Variants in GLRA1 observed in about 807,000 individuals in gnomAD.
The protein encoded by GLRA1 is glycine receptor alpha 1, also known as glycine receptor subunit alpha-1.
GLRA1 carries 37 observed loss-of-function variants against 48.3 expected under a neutral mutation model. That is an observed-to-expected ratio of 0.77 (90% CI 0.59 to 1.01). The LOEUF (loss-of-function observed/expected upper bound fraction) is 1.01. GLRA1 is among the 50% of genes least tolerant of loss of function. The pLI is 0.00. For missense variants in GLRA1, 427 were observed against 571.0 expected (o/e 0.75, Z 2.57); for synonymous variants, 196 against 210.7 (o/e 0.93, Z 0.60).
At chr5:151,883,038 T>C (rs897506602) in intron 3 of GLRA1, among the ~76,000 whole-genome samples, 2 of 152,202 alleles carry the variant, frequency 1.3e-5, no homozygotes, top group African/African-American at 4.8e-5. Flanking sequence ...AGATATATTA[T>C]GAGATATATA....
At position 151,856,317 on chromosome 5, in the gene GLRA1, G is replaced by C. The variant is rs1753041280; in HGVS notation, c.543C>G (p.Ile181Met). Residue 181 changes from isoleucine to methionine, a missense_variant, in exon 5 of 9, where the codon ATC becomes ATG. Physicochemically the swap from Ile to Met is conservative, Grantham distance 10. Coordinates refer to ENST00000274576, the MANE Select transcript of GLRA1 (RefSeq NM_000171.4). ...GACACTCACAGCTTTCCAGTTGCAT[G>C]ATACATGTCTGGACATCCATGGGGA... ...KNFPMDVQTC[I>M]MQLESFGYTM... is the part of the protein sequence containing the mutation. 1 of 1,610,440 alleles carries C rather than the reference G, an allele frequency of 6.2e-7. No homozygotes were observed.
intron 7 of GLRA1, chr5:151,850,459 GGGA>G: frequency 9.3e-7 from 1 of 1,079,030 alleles, no homozygotes; most frequent in East Asian, 2.4e-5. Context: ...AAGGCCATGT[GGGA>G]GGAGAATGGT....
chr5:151,829,487 A>G (rs547040878), intron 7 of GLRA1, among the ~76,000 whole-genome samples: 1 of 152,354 alleles, frequency 6.6e-6, no homozygotes, highest in South Asian at 2.1e-4. Flanking sequence ...TGTCAGTGCC[A>G]ACTTTTCAGA....
At chr5:151,884,444 A>G (rs1361871724) in intron 3 of GLRA1, among the ~76,000 whole-genome samples, 2 of 151,938 alleles carry the variant, frequency 1.3e-5, no homozygotes, top group Non-Finnish European at 2.9e-5. Context: ...AAAACAAAAC[A>G]AAACAAAAAA....
intron 3 of GLRA1, among the ~76,000 whole-genome samples, chr5:151,869,105 A>AT (rs112857798): frequency 2.0e-3 from 295 of 145,648 alleles, no homozygotes; most frequent in Middle Eastern, 3.6e-3. Context: ...CATTTGCTAA[A>AT]TTTTTTTTTT....
At position 151,872,987 on chromosome 5, in the gene GLRA1, T is replaced by C. The variant is rs1452427677; in HGVS notation, c.253-12979A>G. 1.0e-4 allele frequency among the ~76,000 whole-genome samples: 15 copies of C among 149,780 alleles called. 3 individuals are homozygous for C. The highest frequency in any genetic ancestry group is 3.8e-4 in the African/African-American group (15 of 39,136). ...TAGTATGGTGTCCACTAAATTTTAT[T>C]ACCTCAGGATAGGACAAAGGGAATT... On this transcript the variant is annotated intron_variant, in intron 3 of 8. Coordinates refer to ENST00000274576, the MANE Select transcript of GLRA1 (RefSeq NM_000171.4).
At chr5:151,830,947 C>A (rs962053616) in intron 7 of GLRA1, among the ~76,000 whole-genome samples, 2 of 152,144 alleles carry the variant, frequency 1.3e-5, no homozygotes, top group Non-Finnish European at 2.9e-5. Flanking sequence ...ACTGAGGTAC[C>A]CAGCTCATCT....
At chr5:151,908,446 G>A (rs1490685446) in intron 1 of GLRA1, among the ~76,000 whole-genome samples, 2 of 150,630 alleles carry the variant, frequency 1.3e-5, no homozygotes, top group Non-Finnish European at 1.5e-5. Flanking sequence ...TCCTTCATTT[G>A]TTTCTGAATC....
At chr5:151,897,600 G>A (rs1048344310) in intron 1 of GLRA1, among the ~76,000 whole-genome samples, 1 of 152,142 alleles carries the variant, frequency 6.6e-6, no homozygotes, top group African/African-American at 2.4e-5. Context: ...TATTGCAATA[G>A]ATGCACTGAC....
chr5:151,854,891 G>A (rs543856948), intron 6 of GLRA1, 149 bp downstream of exon 6: 3 of 893,880 alleles, frequency 3.4e-6, no homozygotes, highest in African/African-American at 1.6e-5. Context: ...GGAAGAAAAT[G>A]TCAGAGCCAC....
intron 7 of GLRA1, 62 bp downstream of exon 7, chr5:151,851,328 A>G (rs1441676080): frequency 9.2e-7 from 1 of 1,085,130 alleles, no homozygotes; most frequent in African/African-American, 1.5e-5. Context: ...TAGGCAGAGC[A>G]AGGAAGTAGG....
intron 1 of GLRA1, among the ~76,000 whole-genome samples, chr5:151,901,957 A>G (rs1754377598): frequency 6.6e-6 from 1 of 152,206 alleles, no homozygotes; most frequent in Non-Finnish European, 1.5e-5. Flanking sequence ...CATGGTATTA[A>G]TCACTATAAT....
chr5:151,915,539 T>C (rs957857496), intron 1 of GLRA1, among the ~76,000 whole-genome samples: 11 of 152,124 alleles, frequency 7.2e-5, no homozygotes, highest in African/African-American at 2.7e-4. Flanking sequence ...TAACATAAAA[T>C]GCTCTGCAGT....
intron 3 of GLRA1, among the ~76,000 whole-genome samples, chr5:151,867,027 A>T (rs1463753902): frequency 1.3e-5 from 2 of 152,156 alleles, no homozygotes; most frequent in Non-Finnish European, 2.9e-5. Context: ...GGGAGGATCA[A>T]TTGAGCCCAT....
At chr5:151,849,781 T>C in intron 7 of GLRA1, 1 of 740,568 alleles carries the variant, frequency 1.4e-6, no homozygotes, top group Non-Finnish European at 1.9e-6. Flanking sequence ...CTCCAACTCC[T>C]GACCTCAGGT....
At chr5:151,829,153 G>A in intron 7 of GLRA1, 86 bp from the exon 8 acceptor site, 1 of 1,345,014 alleles carries the variant, frequency 7.4e-7, no homozygotes, top group Non-Finnish European at 1.0e-6. Context: ...CTGCTCTTCG[G>A]TAATTCCCCA....
rs564772605 is a variant in GLRA1 at position 151,870,545 on chromosome 5, T to A, written c.253-10537A>T. On this transcript the variant is annotated intron_variant, in intron 3 of 8. Coordinates refer to ENST00000274576, the MANE Select transcript of GLRA1 (RefSeq NM_000171.4). ...GGATGGGCATGTGCTTGTAATGTAA[T>A]GAGAAGAACCCTAATTTATTGTATT... is the stretch of plus-strand genomic sequence containing the variant. Among the ~76,000 whole-genome samples, 26 of 150,028 alleles carry A rather than the reference T, an allele frequency of 1.7e-4. No homozygotes were observed. In the South Asian group the frequency reaches 4.4e-3, roughly 25 times the overall value.
intron 7 of GLRA1, among the ~76,000 whole-genome samples, chr5:151,845,293 A>G (rs1221180263): frequency 6.6e-6 from 1 of 152,258 alleles, no homozygotes; most frequent in Non-Finnish European, 1.5e-5. Context: ...ACATAGAACA[A>G]GAGAAAATAT....
intron 7 of GLRA1, chr5:151,850,682 T>C (rs1243917964): frequency 1.6e-6 from 2 of 1,260,892 alleles, no homozygotes; most frequent in Non-Finnish European, 2.3e-6. Flanking sequence ...GAAGGGTTAC[T>C]TTGAAGACTG....
Sources: gnomAD v4.1 joint callset for allele counts (sites outside exome capture counted in the v4.1 genomes callset) on GRCh38, gnomAD v4.1.1 for gene constraint, MANE v1.5 for transcripts, NCBI Gene and HGNC (gene_info 2026-07-23, HGNC 2026-07-21) for gene names.